GDPD4: variants seen among roughly 807,000 people sequenced by gnomAD.
The protein encoded by GDPD4 is glycerophosphodiester phosphodiesterase domain containing 4, also known as glycerophosphodiester phosphodiesterase 6.
In GDPD4, 60 loss-of-function variants were observed where a neutral mutation model predicts 67.8. That is an observed-to-expected ratio of 0.88 (90% CI 0.72 to 1.10). The LOEUF (loss-of-function observed/expected upper bound fraction) is 1.10, where lower values mean the gene tolerates loss of function less well. Ranked by LOEUF, GDPD4 falls within the 50% of genes least tolerant of loss-of-function variation. GDPD4 has a pLI of 0.00. For synonymous variants in GDPD4, 212 were observed against 210.9 expected (o/e 1.00, Z -0.04); for missense variants, 623 against 613.9 (o/e 1.01, Z -0.16).
chr11:77,287,795 G>T (rs1249504723), intron 1 of GDPD4, among the ~76,000 whole-genome samples: 1 of 152,154 alleles, frequency 6.6e-6, no homozygotes, highest in Admixed American at 6.5e-5. Flanking sequence ...CACGGGTGAG[G>T]TACATGAAAA....
intron 10 of GDPD4, among the ~76,000 whole-genome samples, chr11:77,265,672 A>G (rs1959174807): frequency 6.6e-6 from 1 of 152,116 alleles, no homozygotes; most frequent in South Asian, 2.1e-4. Context: ...TTGTATATTT[A>G]GTTCTATATT....
chr11:77,268,828 T>A, intron 9 of GDPD4, 96 bp downstream of exon 9: 1 of 1,309,114 alleles, frequency 7.6e-7, no homozygotes, highest in Non-Finnish European at 1.1e-6. Flanking sequence ...GCAATCACTT[T>A]TTCTCTCCAG....
intron 16 of GDPD4, among the ~76,000 whole-genome samples, chr11:77,221,980 G>A (rs9705093): frequency 0.88 from 131,732 of 150,374 alleles, 57,856 homozygotes; most frequent in Middle Eastern, 0.91. Context: ...TTACCATTAT[G>A]TAATGGCCTT....
chr11:77,264,255 A>AT (rs1959167173), intron 10 of GDPD4, among the ~76,000 whole-genome samples: 1 of 152,276 alleles, frequency 6.6e-6, no homozygotes, highest in African/African-American at 2.4e-5. Context: ...GCCTTTTCAA[A>AT]TGTTTCTCAA....
At chr11:77,236,632 AC>A in intron 13 of GDPD4, among the ~76,000 whole-genome samples, 1 of 152,210 alleles carries the variant, frequency 6.6e-6, no homozygotes, top group Non-Finnish European at 1.5e-5. Flanking sequence ...ATTACCTTAA[AC>A]AAGGGACATT....
chr11:77,293,854 C>A (rs919310246), intron 1 of GDPD4, among the ~76,000 whole-genome samples: 1 of 152,120 alleles, frequency 6.6e-6, no homozygotes, highest in Admixed American at 6.5e-5. Flanking sequence ...AGAAACAAAG[C>A]AAGGATGTCT....
chr11:77,275,702 C>T (rs530618428), intron 5 of GDPD4, among the ~76,000 whole-genome samples: 7 of 152,262 alleles, frequency 4.6e-5, no homozygotes, highest in East Asian at 1.9e-4. Context: ...CCCTCTCTGC[C>T]GCTATGGGCT....
intron 16 of GDPD4, among the ~76,000 whole-genome samples, chr11:77,225,001 G>T (rs1329931314): frequency 1.3e-5 from 2 of 151,650 alleles, no homozygotes; most frequent in African/African-American, 2.4e-5. Context: ...ATACTAGGGA[G>T]GCTAAGGCAG....
chr11:77,247,747 T>C (rs143995443), intron 11 of GDPD4, among the ~76,000 whole-genome samples: 1,953 of 152,036 alleles, frequency 0.013, 15 homozygotes, highest in Middle Eastern at 0.017. Flanking sequence ...ATGTATAATA[T>C]TGGTTAAGAA....
At chr11:77,296,358 T>C (rs1317624015) in intron 1 of GDPD4, among the ~76,000 whole-genome samples, 1 of 151,420 alleles carries the variant, frequency 6.6e-6, no homozygotes, top group Non-Finnish European at 1.5e-5. Context: ...TTCACTCTTG[T>C]TGCTCAAGCT....
At chr11:77,262,636 G>A (rs1357606459) in intron 10 of GDPD4, among the ~76,000 whole-genome samples, 1 of 151,964 alleles carries the variant, frequency 6.6e-6, no homozygotes, top group Non-Finnish European at 1.5e-5. Context: ...CCAGTTTGAG[G>A]ACCCCCACAG....
At chr11:77,272,298 T>C (rs1423615593) in intron 5 of GDPD4, among the ~76,000 whole-genome samples, 2 of 152,286 alleles carry the variant, frequency 1.3e-5, no homozygotes, top group African/African-American at 4.8e-5. Flanking sequence ...ACAAGGACAT[T>C]ATTACAAGAA....
chr11:77,243,825 A>G lies in GDPD4; in HGVS notation c.1110T>C (p.Asp370=), dbSNP rs775969034. 1.2e-6 allele frequency: 2 copies of G among 1,613,272 alleles called. No homozygotes were observed. The highest frequency in any genetic ancestry group is 2.2e-5 in the East Asian group (1 of 44,882). ...GAGCCACGGACCTGACGTATTGCCT[A>G]TCATGAGCTGGCAACCAAAAAATCT... ...QHLIFWLPAH[D]RQYVRSVAPG... is the part of the protein sequence containing the mutation. The change falls in exon 13 of 17, where the codon GAT becomes GAC. Residue 370 remains aspartate, a synonymous_variant. Coordinates refer to ENST00000315938, the MANE Select transcript of GDPD4 (RefSeq NM_182833.3).
intron 11 of GDPD4, among the ~76,000 whole-genome samples, chr11:77,249,168 A>G (rs1009012254): frequency 6.7e-6 from 1 of 149,792 alleles, no homozygotes; most frequent in Non-Finnish European, 1.5e-5. Context: ...CGAGAGGCTG[A>G]GGCAGGAGAA....
chr11:77,298,022 A>C (rs1297636473), intron 1 of GDPD4, among the ~76,000 whole-genome samples: 1 of 152,132 alleles, frequency 6.6e-6, no homozygotes, highest in Non-Finnish European at 1.5e-5. Context: ...ATAAATGAAG[A>C]CATTTTGGAA....
intron 10 of GDPD4, among the ~76,000 whole-genome samples, chr11:77,262,944 C>T (rs1330151260): frequency 2.0e-5 from 3 of 146,362 alleles, no homozygotes; most frequent in East Asian, 2.1e-4. Context: ...GATTTCTTAT[C>T]AAAACATAAG....
chr11:77,222,117 G>A (rs113428565), intron 16 of GDPD4, among the ~76,000 whole-genome samples: 4 of 152,222 alleles, frequency 2.6e-5, no homozygotes, highest in African/African-American at 9.6e-5. Flanking sequence ...CTATGTGTGT[G>A]TCTGCACTTG....
chr11:77,241,148 T>C (rs536955733), intron 13 of GDPD4, among the ~76,000 whole-genome samples: 83 of 152,316 alleles, frequency 5.4e-4, no homozygotes, highest in African/African-American at 1.9e-3. Flanking sequence ...TGCAACACTA[T>C]TCACAGTAGC....
chr11:77,298,238 G>A (rs1014417083), intron 1 of GDPD4, among the ~76,000 whole-genome samples: 24 of 152,150 alleles, frequency 1.6e-4, no homozygotes, highest in Non-Finnish European at 3.2e-4. Context: ...CAGGCCAGGC[G>A]CGCTGACTCA....
Sources: allele counts gnomAD v4.1 joint callset (sites outside exome capture counted in the v4.1 genomes callset), GRCh38; gene constraint gnomAD v4.1.1; transcripts MANE v1.5; gene names NCBI Gene and HGNC (gene_info 2026-07-23, HGNC 2026-07-21).